Variants in PCDH15 observed in about 807,000 individuals in gnomAD.
PCDH15 encodes protocadherin related 15.
Under a neutral mutation model 178.5 loss-of-function variants are expected in PCDH15, and 129 were observed. The observed-to-expected ratio is 0.72, with a 90% CI of 0.63 to 0.84. PCDH15 has a LOEUF of 0.84. Among genes scored for constraint, PCDH15 ranks in the 40% least tolerant of loss-of-function variants. The pLI is 0.00. For missense variants in PCDH15, 2,230 were observed against 2,099.9 expected (o/e 1.06, Z -1.21); for synonymous variants, 800 against 732.0 (o/e 1.09, Z -1.50).
chr10:54,895,291 C>A (rs898029372), intron 3 of PCDH15, among the ~76,000 whole-genome samples: 2 of 152,182 alleles, frequency 1.3e-5, no homozygotes, highest in African/African-American at 4.8e-5. Flanking sequence ...AGGGATTATA[C>A]TTCTACAGAT....
chr10:54,460,765 A>G (rs1004477156), intron 3 of PCDH15, among the ~76,000 whole-genome samples: 1 of 152,072 alleles, frequency 6.6e-6, no homozygotes, highest in African/African-American at 2.4e-5. Flanking sequence ...GGAGAATAAT[A>G]TATTTTATCG....
chr10:54,144,878 C>T (rs1204894656), intron 14 of PCDH15, among the ~76,000 whole-genome samples: 2 of 152,156 alleles, frequency 1.3e-5, no homozygotes, highest in Admixed American at 6.6e-5. Context: ...TACAAGGCTT[C>T]TGAATTCAAA....
intron 6 of PCDH15, among the ~76,000 whole-genome samples, chr10:54,334,074 T>A: frequency 6.6e-6 from 1 of 152,172 alleles, no homozygotes; most frequent in Non-Finnish European, 1.5e-5. Context: ...ATTTAAGTGC[T>A]GACTACCTGC....
intron 3 of PCDH15, among the ~76,000 whole-genome samples, chr10:54,862,001 A>C (rs1257792440): frequency 6.6e-6 from 1 of 152,272 alleles, no homozygotes; most frequent in Non-Finnish European, 1.5e-5. Context: ...AAGTTATATA[A>C]ATTTCAAGTA....
intron 26 of PCDH15, among the ~76,000 whole-genome samples, chr10:53,898,810 A>C (rs1216066718): frequency 6.6e-6 from 1 of 152,108 alleles, no homozygotes; most frequent in African/African-American, 2.4e-5. Flanking sequence ...ATTTTTCACC[A>C]CTTTGGAATA....
chr10:55,255,180 C>T (rs548285493), intron 1 of PCDH15, among the ~76,000 whole-genome samples: 2 of 152,190 alleles, frequency 1.3e-5, no homozygotes, highest in Non-Finnish European at 2.9e-5. Context: ...TCAATTCCCA[C>T]CTATGAGTTA....
intron 2 of PCDH15, among the ~76,000 whole-genome samples, chr10:55,557,088 T>A (rs1057376997): frequency 1.3e-5 from 2 of 152,164 alleles, no homozygotes; most frequent in Non-Finnish European, 2.9e-5. Context: ...CTGTTCACAA[T>A]TGTACCAGTT....
intron 27 of PCDH15, among the ~76,000 whole-genome samples, chr10:53,862,347 G>C (rs1413691703): frequency 6.6e-6 from 1 of 152,042 alleles, no homozygotes; most frequent in African/African-American, 2.4e-5. Context: ...AACACACCCG[G>C]CCATTGTACT....
chr10:53,998,823 G>T (rs1362740197), intron 20 of PCDH15, among the ~76,000 whole-genome samples: 1 of 151,908 alleles, frequency 6.6e-6, no homozygotes, highest in Non-Finnish European at 1.5e-5. Context: ...AGGCTGAGGT[G>T]GGCGGATCAC....
At chr10:54,924,182 C>G (rs927642478) in intron 2 of PCDH15, among the ~76,000 whole-genome samples, 1 of 137,278 alleles carries the variant, frequency 7.3e-6, no homozygotes, top group Non-Finnish European at 1.7e-5. Context: ...TACACACTTT[C>G]AAACAACCAG....
Position 53,888,311 on chromosome 10 carries a change from T to TACGTAC in PCDH15, c.3501+14931_3501+14932insGTACGT, listed in dbSNP as rs374182713. 1.2e-4 allele frequency among the ~76,000 whole-genome samples: 5 copies of TACGTAC among 41,826 alleles called. 1 individual carries two copies. The highest frequency in any genetic ancestry group is 3.9e-4 in the African/African-American group (4 of 10,176). The allele number at this position is 41,826 out of a possible 152,430, so 27.4% of individuals were successfully genotyped here. A position where few individuals can be genotyped will look rare whatever the true frequency, so the allele number is the denominator to read the frequency against. ...ATATACATATATATATATATATATG[T>TACGTAC]ATATATGTACGTATATATATGTACG... On this transcript the variant is annotated intron_variant, in intron 26 of 37. Transcript: ENST00000644397.
chr10:54,708,739 C>T (rs1227892129), intron 1 of PCDH15, among the ~76,000 whole-genome samples: 1 of 151,708 alleles, frequency 6.6e-6, no homozygotes. Flanking sequence ...ATTGTGCAAC[C>T]TTAAGGCTGT....
chr10:54,804,925 G>GATTATATATATATATATATATATATAT (rs1160087263), upstream of PCDH15, among the ~76,000 whole-genome samples: 7 of 4,156 alleles, frequency 1.7e-3, no homozygotes, highest in African/African-American at 4.9e-3. Context: ...TTTCATAGTA[G>GATTATATATATATATATATATATATAT]ATTATATATA....
In PCDH15 at chr10:55,538,891, TTTCC is replaced by T. The variant is rs1342059050; in HGVS notation, c.-156+88730_-156+88733del. ...TTTCCTTCCTTCCTCCCTTCCTTCC[TTTCC>T]TTCCTTCCTTCCTCCTTTCCTTCCT... On this transcript the variant is annotated intron_variant, in intron 2 of 5. Transcript: ENST00000613346. 3.7e-5 allele frequency among the ~76,000 whole-genome samples: 2 copies of T among 53,568 alleles called. 1 individual carries two copies. The highest frequency in any genetic ancestry group is 1.9e-4 in the African/African-American group (2 of 10,646). 35.1% of individuals were successfully genotyped at this position (53,568 alleles called of 152,430 possible).
chr10:55,124,436 G>C (rs1837848306), intron 2 of PCDH15, among the ~76,000 whole-genome samples: 1 of 152,074 alleles, frequency 6.6e-6, no homozygotes, highest in Non-Finnish European at 1.5e-5. Flanking sequence ...TCTTGTATTA[G>C]AGCTTTTTAA....
chr10:55,597,865 T>C (rs527845378), intron 2 of PCDH15, among the ~76,000 whole-genome samples: 1 of 152,252 alleles, frequency 6.6e-6, no homozygotes, highest in African/African-American at 2.4e-5. Context: ...AATGCCTAGA[T>C]GGGTCCGCAA....
intron 6 of PCDH15, among the ~76,000 whole-genome samples, chr10:54,330,393 A>T (rs1939236918): frequency 1.3e-5 from 2 of 151,970 alleles, no homozygotes; most frequent in Non-Finnish European, 2.9e-5. Context: ...ATTGTAACAC[A>T]ATGGTCAGTA....
intron 5 of PCDH15, among the ~76,000 whole-genome samples, chr10:54,350,395 G>A (rs1273632127): frequency 6.6e-6 from 1 of 152,142 alleles, no homozygotes; most frequent in Non-Finnish European, 1.5e-5. Flanking sequence ...TCTACTACTA[G>A]ATTGTGCAAG....
intron 17 of PCDH15, among the ~76,000 whole-genome samples, chr10:54,073,898 G>A (rs1372416443): frequency 1.3e-5 from 2 of 152,118 alleles, no homozygotes; most frequent in African/African-American, 4.8e-5. Flanking sequence ...CTACTTCCTA[G>A]CTATTTTTCT....
Sources: allele counts gnomAD v4.1 joint callset (sites outside exome capture counted in the v4.1 genomes callset), GRCh38; gene constraint gnomAD v4.1.1; transcripts MANE v1.5; gene names NCBI Gene and HGNC (gene_info 2026-07-23, HGNC 2026-07-21).